The following ANKRD55 variants were observed in gnomAD, a reference collection of about 807,000 sequenced individuals.
The protein encoded by ANKRD55 is ankyrin repeat domain 55.
ANKRD55 carries 41 observed loss-of-function variants against 60.6 expected under a neutral mutation model. The ratio of observed to expected loss-of-function variants is 0.68; its 90% CI spans 0.53 to 0.88. The LOEUF (loss-of-function observed/expected upper bound fraction) is 0.88. ANKRD55 is among the 40% of genes least tolerant of loss of function. The probability of loss-of-function intolerance (pLI) is 0.00; values close to 1 mark genes in which losing one functional copy is unlikely to be tolerated. For missense variants in ANKRD55, 732 were observed against 767.6 expected (o/e 0.95, Z 0.55); for synonymous variants, 264 against 290.3 (o/e 0.91, Z 0.92).
At chr5:56,177,490 A>T (rs1389281852) in intron 3 of ANKRD55, among the ~76,000 whole-genome samples, 1 of 152,146 alleles carries the variant, frequency 6.6e-6, no homozygotes, top group East Asian at 1.9e-4. Flanking sequence ...AAGAATCCCT[A>T]GATAGGCCGG....
chr5:56,226,319 AC>A (rs1411044138), intron 2 of ANKRD55, among the ~76,000 whole-genome samples: 1 of 152,234 alleles, frequency 6.6e-6, no homozygotes, highest in African/African-American at 2.4e-5. Flanking sequence ...TACACCTTAT[AC>A]AAAAATTAAT....
At chr5:56,192,608 A>C (rs534255403) in intron 2 of ANKRD55, 14 of 659,686 alleles carry the variant, frequency 2.1e-5, no homozygotes, top group Admixed American at 5.2e-5. Flanking sequence ...AATAGGGTTT[A>C]TTTTATTTTC....
intron 2 of ANKRD55, among the ~76,000 whole-genome samples, chr5:56,231,427 A>G (rs891165041): frequency 4.6e-5 from 7 of 152,174 alleles, no homozygotes; most frequent in African/African-American, 1.4e-4. Flanking sequence ...GCTCCCTCCA[A>G]TTAGTCTTCA....
chr5:56,163,951 G>T (rs1455224827), intron 5 of ANKRD55, among the ~76,000 whole-genome samples: 1 of 152,086 alleles, frequency 6.6e-6, no homozygotes, highest in Non-Finnish European at 1.5e-5. Context: ...AATTAGCCAG[G>T]CATGATGGTG....
At position 56,111,392 on chromosome 5, in the gene ANKRD55, C is replaced by T. The variant is rs1308457595; in HGVS notation, c.1356G>A (p.Arg452=). 6.2e-7 allele frequency: 1 copy of T among 1,613,908 alleles called. No homozygotes were observed. The highest frequency in any genetic ancestry group is 2.2e-5 in the East Asian group (1 of 44,894). The part of the protein sequence containing the change: ...LGNNFLTASH[R]ATSHAGLSSA... ...AGCTCAGGCCTGCATGGGAAGTGGC[C>T]CTATGGGAGGCTGTTAGGAAGTTAT... The change falls in exon 10 of 12, where the codon AGG becomes AGA. Residue 452 remains arginine, a synonymous_variant. Coordinates refer to ENST00000341048, the MANE Select transcript of ANKRD55 (RefSeq NM_024669.3).
rs141567804 is a variant in ANKRD55 at position 56,192,061 on chromosome 5, A to G, written c.59-8427T>C. Among the ~76,000 whole-genome samples, 59 of 151,904 alleles carry G rather than the reference A, an allele frequency of 3.9e-4. 2 individuals carry two copies. In the East Asian group the frequency reaches 8.1e-3, roughly 21 times the overall value. On this transcript the variant is annotated intron_variant, in intron 2 of 11. Coordinates refer to ENST00000341048, the MANE Select transcript of ANKRD55 (RefSeq NM_024669.3). ...GAAACCCACTTATTAAGATGTCTAA[A>G]AGATCTACATAAACAAACAATACCT...
chr5:56,110,132 C>G (rs957892563), intron 10 of ANKRD55, among the ~76,000 whole-genome samples: 1 of 150,982 alleles, frequency 6.6e-6, no homozygotes, highest in Non-Finnish European at 1.5e-5. Flanking sequence ...TGTGGTGGCT[C>G]ATGCCTATAA....
intron 7 of ANKRD55, among the ~76,000 whole-genome samples, chr5:56,129,677 A>G (rs114631739): frequency 0.016 from 2,424 of 152,332 alleles, 43 homozygotes; most frequent in Admixed American, 0.041. Flanking sequence ...GGGCGATTTA[A>G]GACTAGTTGC....
At chr5:56,198,808 G>T (rs1483785971) in intron 2 of ANKRD55, among the ~76,000 whole-genome samples, 1 of 148,618 alleles carries the variant, frequency 6.7e-6, no homozygotes, top group South Asian at 2.2e-4. Flanking sequence ...GCTGGGCAGC[G>T]GTGGCTCACA....
intron 9 of ANKRD55, among the ~76,000 whole-genome samples, chr5:56,112,511 A>AACAAAAAAACAAAAAAAAAAAAAC (rs1756752844): frequency 3.7e-5 from 3 of 81,528 alleles, no homozygotes; most frequent in African/African-American, 1.6e-4. Context: ...TAGCAAAAAA[A>AACAAAAAAACAAAAAAAAAAAAAC]AAAAAAAAAA....
At chr5:56,166,086 T>TTCTCTTTCTTTC (rs1554040773) in intron 5 of ANKRD55, among the ~76,000 whole-genome samples, 7 of 91,772 alleles carry the variant, frequency 7.6e-5, no homozygotes, top group East Asian at 3.4e-4. Context: ...TTTCTTTTCT[T>TTCTCTTTCTTTC]TTTCTTTCTT....
chr5:56,106,560 A>G (rs1756485009), intron 10 of ANKRD55, among the ~76,000 whole-genome samples: 1 of 151,604 alleles, frequency 6.6e-6, no homozygotes, highest in South Asian at 2.1e-4. Flanking sequence ...AGTAGCTGGG[A>G]CTACAGGCGC....
chr5:56,112,862 C>A (rs541310248), intron 9 of ANKRD55, among the ~76,000 whole-genome samples: 21 of 152,260 alleles, frequency 1.4e-4, no homozygotes, highest in Middle Eastern at 3.4e-3. Context: ...AAAACATCAC[C>A]ACTTATTTTG....
At chr5:56,185,264 A>G (rs1157750565) in intron 2 of ANKRD55, among the ~76,000 whole-genome samples, 2 of 152,048 alleles carry the variant, frequency 1.3e-5, no homozygotes, top group Non-Finnish European at 2.9e-5. Context: ...GGTCAAGTGG[A>G]GAACGGGGAG....
At chr5:56,183,700 C>CAA in intron 2 of ANKRD55, 66 bp from the exon 3 acceptor site, 1 of 1,585,554 alleles carries the variant, frequency 6.3e-7, no homozygotes, top group Non-Finnish European at 8.6e-7. Context: ...TAACAATACC[C>CAA]AAGTCGTCAC....
chr5:56,187,023 C>G (rs1212106260), intron 2 of ANKRD55, among the ~76,000 whole-genome samples: 1 of 152,190 alleles, frequency 6.6e-6, no homozygotes, highest in African/African-American at 2.4e-5. Flanking sequence ...ATAAAATATG[C>G]AAGGCACATT....
intron 5 of ANKRD55, among the ~76,000 whole-genome samples, chr5:56,163,064 G>A (rs1758371560): frequency 6.6e-6 from 1 of 152,172 alleles, no homozygotes; most frequent in Non-Finnish European, 1.5e-5. Flanking sequence ...ACTGATATGT[G>A]ATGATCTATG....
At chr5:56,198,233 A>G (rs1012763936) in intron 2 of ANKRD55, among the ~76,000 whole-genome samples, 3 of 152,192 alleles carry the variant, frequency 2.0e-5, no homozygotes, top group Non-Finnish European at 1.5e-5. Context: ...GGCTCTCAAG[A>G]TAGTTGCCCT....
At chr5:56,149,272 G>A (rs1482288170) in intron 6 of ANKRD55, among the ~76,000 whole-genome samples, 1 of 152,158 alleles carries the variant, frequency 6.6e-6, no homozygotes, top group African/African-American at 2.4e-5. Flanking sequence ...AGAATACTCT[G>A]AGGTTGGATT....
Sources: gnomAD v4.1 joint callset for allele counts (sites outside exome capture counted in the v4.1 genomes callset) on GRCh38, gnomAD v4.1.1 for gene constraint, MANE v1.5 for transcripts, NCBI Gene and HGNC (gene_info 2026-07-23, HGNC 2026-07-21) for gene names.